HERC4: variants seen among roughly 807,000 people sequenced by gnomAD.
The protein encoded by HERC4 is HECT and RLD domain containing E3 ubiquitin protein ligase 4.
In HERC4, 28 loss-of-function variants were observed where a neutral mutation model predicts 124.3. The observed-to-expected ratio is 0.23, with a 90% confidence interval of 0.17 to 0.31. The LOEUF is 0.31. HERC4 is among the 10% of genes least tolerant of loss of function. HERC4 has a pLI of 1.00. For missense variants in HERC4, 713 were observed against 1,229.3 expected (o/e 0.58, Z 6.28); for synonymous variants, 407 against 421.5 (o/e 0.97, Z 0.42).
chr10:67,981,337 C>T (rs2035916943), intron 15 of HERC4, among the ~76,000 whole-genome samples: 1 of 152,158 alleles, frequency 6.6e-6, no homozygotes, highest in Admixed American at 6.5e-5. Context: ...TGGATATAAT[C>T]ATTGTAAACA....
intron 16 of HERC4, chr10:67,960,702 A>G (rs2034456684): frequency 6.1e-6 from 1 of 165,274 alleles, no homozygotes; most frequent in Non-Finnish European, 1.3e-5. Context: ...AATTTTAAAC[A>G]CATTCTTGGA....
At chr10:68,020,649 G>T (rs964452414) in intron 8 of HERC4, among the ~76,000 whole-genome samples, 2 of 150,894 alleles carry the variant, frequency 1.3e-5, no homozygotes, top group African/African-American at 4.9e-5. Context: ...GGCGCCTGTA[G>T]TCCCAGCTAC....
intron 3 of HERC4, among the ~76,000 whole-genome samples, chr10:68,060,197 G>A (rs971897233): frequency 6.6e-6 from 1 of 151,630 alleles, no homozygotes; most frequent in Admixed American, 6.6e-5. Flanking sequence ...TTTTAAATCA[G>A]CATTATAAGG....
chr10:67,954,198 T>TC (rs905743870), intron 19 of HERC4: 1 of 153,712 alleles, frequency 6.5e-6, no homozygotes, highest in African/African-American at 2.4e-5. Flanking sequence ...ACTTTTTTTT[T>TC]CTTTGAGATT....
intron 8 of HERC4, among the ~76,000 whole-genome samples, chr10:68,016,438 C>T (rs12761462): frequency 0.11 from 16,192 of 152,106 alleles, 934 homozygotes; most frequent in South Asian, 0.15. Context: ...CTGCAACCTC[C>T]GCCTCCCGGA....
At chr10:67,959,105 A>C (rs182221466) in intron 16 of HERC4, 65 of 1,598,480 alleles carry the variant, frequency 4.1e-5, no homozygotes, top group Middle Eastern at 1.7e-4. Flanking sequence ...TTATTACACC[A>C]AACTTACCTC....
In HERC4 at chr10:67,923,119, G is replaced by A. The variant is rs2030406573; in HGVS notation, c.2962C>T (p.Arg988Cys). 3.1e-6 allele frequency: 5 copies of A among 1,613,006 alleles called. No individual in the cohort carries two copies. Among genetic ancestry groups the A allele is most frequent in the Non-Finnish European group, 4.2e-6 (5 of 1,179,674 alleles). Residue 988 changes from arginine (R) to cysteine (C), a missense_variant, in exon 25 of 25, where the codon CGC becomes TGC. By Grantham distance (180) the Arg-to-Cys change is radical (BLOSUM62 -3). Coordinates refer to ENST00000373700, the MANE Select transcript of HERC4 (RefSeq NM_015601.4). ...CTCTTCATACCAAGAATAGGAATGC[G>A]ATCACTACCTGTCAAAAATACTGCC... ...QFLLFLTGSD[R>C]IPILGMKSLK...
At chr10:68,032,041 T>C (rs577936352) in intron 7 of HERC4, among the ~76,000 whole-genome samples, 1 of 152,342 alleles carries the variant, frequency 6.6e-6, no homozygotes, top group South Asian at 2.1e-4. Context: ...CATGAGCCTC[T>C]GTGCCCGGAC....
chr10:67,927,211 G>C (rs2031083492), intron 23 of HERC4, among the ~76,000 whole-genome samples: 2 of 151,816 alleles, frequency 1.3e-5, no homozygotes, highest in African/African-American at 4.8e-5. Context: ...GGAATGAAAA[G>C]AGGATGGCTA....
intron 23 of HERC4, 76 bp from the exon 24 acceptor site, chr10:67,925,263 C>A: frequency 1.3e-6 from 1 of 764,322 alleles, no homozygotes; most frequent in Non-Finnish European, 2.1e-6. Flanking sequence ...CTAACATGGT[C>A]CAGTAGTTTG....
intron 16 of HERC4, among the ~76,000 whole-genome samples, chr10:67,959,682 A>G (rs1319363729): frequency 1.3e-5 from 2 of 152,222 alleles, no homozygotes; most frequent in East Asian, 3.8e-4. Flanking sequence ...AGCATTCTTT[A>G]AAACTGAATT....
intron 3 of HERC4, among the ~76,000 whole-genome samples, chr10:68,059,714 A>AATATTAT (rs1554830314): frequency 1.9e-5 from 1 of 52,634 alleles, no homozygotes; most frequent in Non-Finnish European, 2.5e-5. Flanking sequence ...TATATATCAT[A>AATATTAT]ATATTATATA....
chr10:68,061,935 A>G (rs1223955891), intron 3 of HERC4, among the ~76,000 whole-genome samples: 1 of 150,950 alleles, frequency 6.6e-6, no homozygotes, highest in Non-Finnish European at 1.5e-5. Context: ...CAGGTTTACA[A>G]AACAGATAGA....
Position 67,991,197 on chromosome 10 carries a change from T to C in HERC4, c.1274A>G (p.Glu425Gly). 1 of 1,526,916 alleles carries C rather than the reference T, an allele frequency of 6.5e-7. No homozygotes were observed. Among genetic ancestry groups the C allele is most frequent in the Non-Finnish European group, 8.8e-7 (1 of 1,136,268 alleles). The allele number at this position is 1,526,916 out of a possible 1,614,324, so 94.6% of individuals were successfully genotyped here. Reference sequence around the variant, plus strand: ...AGAGGAAGAAAACGTTCCATCTATCTCACTAAAAAATTTAAAAAAGTTTTT... The same window carrying C: ...AGAGGAAGAAAACGTTCCATCTATCCCACTAAAAAATTTAAAAAAGTTTTT... ...SGRFPVEIAN[E>G]IDGTFSSSGC... Residue 425 changes from glutamate (E) to glycine (G), a missense_variant and splice_region_variant, in exon 12 of 25, where the codon GAG (glutamate) becomes GGG (glycine). Physicochemically the swap from Glu to Gly is moderately conservative, Grantham distance 98. Coordinates refer to ENST00000373700, the MANE Select transcript of HERC4 (RefSeq NM_015601.4).
chr10:68,065,338 C>A (rs1456931402), intron 3 of HERC4, among the ~76,000 whole-genome samples: 1 of 151,678 alleles, frequency 6.6e-6, no homozygotes, highest in Non-Finnish European at 1.5e-5. Flanking sequence ...TAACACCTAG[C>A]AAAGGAATAA....
intron 23 of HERC4, among the ~76,000 whole-genome samples, chr10:67,927,428 A>ATTTT (rs2031228886): frequency 4.3e-4 from 11 of 25,628 alleles, no homozygotes; most frequent in Non-Finnish European, 1.1e-3. Context: ...ATATATATAT[A>ATTTT]TATTTTTTTT....
chr10:68,056,835 C>A (rs1411058569), intron 3 of HERC4, among the ~76,000 whole-genome samples: 1 of 151,986 alleles, frequency 6.6e-6, no homozygotes, highest in Non-Finnish European at 1.5e-5. Flanking sequence ...TAGCTATTTG[C>A]AAAGGAAATT....
At chr10:67,924,142 G>A (rs116900394) in intron 24 of HERC4, among the ~76,000 whole-genome samples, 221 of 152,222 alleles carry the variant, frequency 1.5e-3, no homozygotes, top group Non-Finnish European at 2.3e-3. Context: ...GGATTGAACC[G>A]ACTGCAAATC....
chr10:68,004,202 T>G (rs2037405833), intron 9 of HERC4, among the ~76,000 whole-genome samples: 1 of 152,228 alleles, frequency 6.6e-6, no homozygotes, highest in South Asian at 2.1e-4. Context: ...AGATTTTTCC[T>G]ATAGAGTTGT....
Sources: allele counts gnomAD v4.1 joint callset (sites outside exome capture counted in the v4.1 genomes callset), GRCh38; gene constraint gnomAD v4.1.1; transcripts MANE v1.5; gene names NCBI Gene and HGNC (gene_info 2026-07-23, HGNC 2026-07-21).